NAGK: variants seen among roughly 807,000 people sequenced by gnomAD.
The protein encoded by NAGK is N-acetylglucosamine kinase, also known as N-acetyl-D-glucosamine kinase.
NAGK carries 35 observed loss-of-function variants against 42.9 expected under a neutral mutation model. That is an observed-to-expected ratio of 0.82 (90% CI 0.62 to 1.08). The LOEUF (loss-of-function observed/expected upper bound fraction) is 1.08. Ranked by LOEUF, NAGK falls within the 50% of genes least tolerant of loss-of-function variation. The probability of loss-of-function intolerance (pLI) is 0.00; values close to 1 mark genes in which losing one functional copy is unlikely to be tolerated. For synonymous variants in NAGK, 172 were observed against 176.0 expected, an observed-to-expected ratio of 0.98 and a Z score of 0.18; for missense variants, 446 against 446.0, an observed-to-expected ratio of 1.00 and a Z score of 0.00.
At chr2:71,076,552 G>A in intron 7 of NAGK, 52 bp from the exon 8 acceptor site, 1 of 1,429,380 alleles carries the variant, frequency 7.0e-7, no homozygotes, top group Admixed American at 1.8e-5. Context: ...GCCCAGGAAT[G>A]GCAGCTCCCT....
chr2:71,073,406 G>C lies in NAGK; in HGVS notation c.467-76G>C, dbSNP rs77337878. 6,637 of 954,988 alleles carry C rather than the reference G, an allele frequency of 6.9e-3. 299 individuals are homozygous for C. In the Admixed American group the frequency reaches 0.097, roughly 14 times the overall value. 59.2% of individuals were successfully genotyped at this position (954,988 alleles called of 1,614,324 possible). Reference sequence around the variant, plus strand: ...TAAAATTCAAGCAGATCACTAACCTGTCTGGATCTGAGTTTCCCTCCTCGT... The same window carrying C: ...TAAAATTCAAGCAGATCACTAACCTCTCTGGATCTGAGTTTCCCTCCTCGT... On this transcript the variant is annotated intron_variant, in intron 5 of 9. Coordinates refer to ENST00000244204, the MANE Select transcript of NAGK (RefSeq NM_017567.6).
At position 71,078,707 on chromosome 2, in the gene NAGK, G is replaced by A; in HGVS notation, c.*199G>A. Reference sequence around the variant, plus strand: ...AGTGCACCTGCCAGCAGATATCCTGGAGGGCTCATGAGTGAATTTAGTCCA... The same window carrying A: ...AGTGCACCTGCCAGCAGATATCCTGAAGGGCTCATGAGTGAATTTAGTCCA... On this transcript the variant is annotated 3_prime_UTR_variant, in exon 10 of 10. Transcript: ENST00000244204. 1.6e-6 allele frequency: 1 copy of A among 632,612 alleles called. No individual in the cohort carries two copies. The highest frequency in any genetic ancestry group is 2.6e-6 in the Non-Finnish European group (1 of 390,518). 39.2% of individuals were successfully genotyped at this position (632,612 alleles called of 1,614,324 possible). A position where few individuals can be genotyped will look rare whatever the true frequency, so the allele number is the denominator to read the frequency against.
intron 5 of NAGK, chr2:71,073,147 A>G (rs1009442937): frequency 4.3e-6 from 2 of 466,938 alleles, no homozygotes; most frequent in Admixed American, 6.7e-5. Flanking sequence ...GTTTATTTTC[A>G]TAGGGGCCCT....
intron 3 of NAGK, 26 bp downstream of exon 3, chr2:71,070,865 T>G (rs1314144657): frequency 6.2e-7 from 1 of 1,611,888 alleles, no homozygotes; most frequent in East Asian, 2.2e-5. Flanking sequence ...AGCCTGGGAA[T>G]TCAGCCATCT....
At chr2:71,071,314 C>T (rs1671993626) in intron 3 of NAGK, 1 of 299,596 alleles carries the variant, frequency 3.3e-6, no homozygotes, top group Non-Finnish European at 6.3e-6. Context: ...CCAGCTACTC[C>T]CTGGACATAT....
chr2:71,068,891 G>A (rs1036515041), intron 1 of NAGK, 179 bp downstream of exon 1: 4 of 1,337,872 alleles, frequency 3.0e-6, no homozygotes, highest in Non-Finnish European at 3.8e-6. Flanking sequence ...TATGCCTTAC[G>A]GGGACTCTGC....
chr2:71,078,367 C>T lies in NAGK; in HGVS notation c.894C>T (p.Phe298=), dbSNP rs1296547020. 1 of 1,614,004 alleles carries T rather than the reference C, an allele frequency of 6.2e-7. No individual in the cohort carries two copies. Among genetic ancestry groups the T allele is most frequent in the Non-Finnish European group, 8.5e-7 (1 of 1,179,994 alleles). The part of the protein sequence containing the change: ...TQGREIQAQN[F]FSSFTLMKLR... Reference sequence around the variant, plus strand: ...GCAGAGAGATCCAGGCTCAGAACTTCTTCTCCAGCTTCACCCTGATGAAGC... The same window carrying T: ...GCAGAGAGATCCAGGCTCAGAACTTTTTCTCCAGCTTCACCCTGATGAAGC... Residue 298 remains phenylalanine, a synonymous_variant, in exon 10 of 10, where the codon TTC becomes TTT. Transcript: ENST00000244204.
In NAGK at chr2:71,073,486, C is replaced by T; in HGVS notation, c.471C>T (p.Tyr157=). The part of the protein sequence containing the change: ...GHMMGDEGSA[Y]WIAHQAVKIV... Reference sequence around the variant, plus strand: ...AGCCCTCTCTGCTCCCTGCAGCCTACTGGATCGCACACCAAGCAGTGAAAA... The same window carrying T: ...AGCCCTCTCTGCTCCCTGCAGCCTATTGGATCGCACACCAAGCAGTGAAAA... The change falls in exon 6 of 10, where the codon TAC becomes TAT. Residue 157 remains tyrosine, a synonymous_variant. Transcript: ENST00000244204. The T allele has an allele frequency of 6.2e-7, 1 of 1,613,254 alleles. No homozygotes were observed. Among genetic ancestry groups the T allele is most frequent in the Non-Finnish European group, 8.5e-7 (1 of 1,179,188 alleles).
rs754190135 is a variant in NAGK, at chr2:71,078,546, G to A, written c.*38G>A. ...GGCTCCACCCCCTCCAAGCTCAGTG[G>A]ACACTGGGTCTGAAAGGAAGGAGTC... is the stretch of plus-strand genomic sequence containing the variant. On this transcript the variant is annotated 3_prime_UTR_variant, in exon 10 of 10. Coordinates refer to ENST00000244204, the MANE Select transcript of NAGK (RefSeq NM_017567.6). 8 of 1,467,718 alleles carry A rather than the reference G, an allele frequency of 5.5e-6. No homozygotes were observed. Among genetic ancestry groups the A allele is most frequent in the Non-Finnish European group, 7.2e-6 (8 of 1,105,044 alleles). The allele number at this position is 1,467,718 out of a possible 1,614,324, so 90.9% of individuals were successfully genotyped here. A position where few individuals can be genotyped will look rare whatever the true frequency, so the allele number is the denominator to read the frequency against.
Position 71,079,142 on chromosome 2 carries a change from TC to T in NAGK, c.*636del, listed in dbSNP as rs1223064952. 1 of 152,344 alleles carries T rather than the reference TC, an allele frequency of 6.6e-6. No homozygotes were observed. Among genetic ancestry groups the T allele is most frequent in the Non-Finnish European group, 1.5e-5 (1 of 68,152 alleles). 9.4% of individuals were successfully genotyped at this position (152,344 alleles called of 1,614,324 possible). A position where few individuals can be genotyped will look rare whatever the true frequency, so the allele number is the denominator to read the frequency against. On this transcript the variant is annotated 3_prime_UTR_variant, in exon 10 of 10. Coordinates refer to ENST00000244204, the MANE Select transcript of NAGK (RefSeq NM_017567.6). ...TGAAAGGTTATGAGGATGGCTGAGATCCAAGAAGACCAACTAGGTACCGCTC... is the reference window on the plus strand; with the variant it reads ...TGAAAGGTTATGAGGATGGCTGAGATCAAGAAGACCAACTAGGTACCGCTC...
upstream of NAGK, chr2:71,068,625 G>A: frequency 6.6e-7 from 1 of 1,521,908 alleles, no homozygotes; most frequent in Non-Finnish European, 8.8e-7. Context: ...CTGGAGGGAA[G>A]GAGGTGTCAG....
chr2:71,070,043 C>G (rs1671940279), intron 1 of NAGK: 1 of 167,266 alleles, frequency 6.0e-6, no homozygotes, highest in Non-Finnish European at 1.3e-5. Context: ...ATTGCCTGTG[C>G]CAGCTCCTGT....
rs1356004079 is a variant in NAGK at position 71,078,945 on chromosome 2, C to G, written c.*437C>G. 6.2e-6 allele frequency: 1 copy of G among 161,288 alleles called. No individual in the cohort carries two copies. Among genetic ancestry groups the G allele is most frequent in the African/African-American group, 2.4e-5 (1 of 41,572 alleles). The allele number at this position is 161,288 out of a possible 1,614,324, so 10.0% of individuals were successfully genotyped here. On this transcript the variant is annotated 3_prime_UTR_variant, in exon 10 of 10. Transcript: ENST00000244204. ...CACAGTCAGCAGAAACAAGTGCTCA[C>G]CATTCAGAACATCACAGGGAGTAAC...
At position 71,078,667 on chromosome 2, in the gene NAGK, G is replaced by C. The variant is rs769518412; in HGVS notation, c.*159G>C. 1 of 869,666 alleles carries C rather than the reference G, an allele frequency of 1.1e-6. No individual in the cohort carries two copies. Among genetic ancestry groups the C allele is most frequent in the Non-Finnish European group, 1.7e-6 (1 of 587,208 alleles). 53.9% of individuals were successfully genotyped at this position (869,666 alleles called of 1,614,324 possible). ...TTGGACTGCATTATCAAACACATGT[G>C]CTATGTACATCCTCAGTGCACCTGC... is the stretch of plus-strand genomic sequence containing the variant. On this transcript the variant is annotated 3_prime_UTR_variant, in exon 10 of 10. Coordinates refer to ENST00000244204, the MANE Select transcript of NAGK (RefSeq NM_017567.6).
chr2:71,073,832 A>G (rs1220134682), intron 6 of NAGK, among the ~76,000 whole-genome samples: 1 of 152,178 alleles, frequency 6.6e-6, no homozygotes, highest in Non-Finnish European at 1.5e-5. Flanking sequence ...GTTTGGGGAC[A>G]GGTGATTAGC....
At position 71,072,823 on chromosome 2, in the gene NAGK, T is replaced by G. The variant is rs768504979; in HGVS notation, c.466+72T>G. 7 of 1,402,202 alleles carry G rather than the reference T, an allele frequency of 5.0e-6. No homozygotes were observed. The African/African-American group carries it at 1.0e-4, about 20-fold the overall frequency. The allele number at this position is 1,402,202 out of a possible 1,614,324, so 86.9% of individuals were successfully genotyped here. A position where few individuals can be genotyped will look rare whatever the true frequency, so the allele number is the denominator to read the frequency against. On this transcript the variant is annotated intron_variant, in intron 5 of 9. Transcript: ENST00000244204. ...CCTTCACTCCCTGTCTTTCTCTCCT[T>G]AGCCTTGGCTCACTGAGCCCTTGGG...
intron 1 of NAGK, 162 bp from the exon 2 acceptor site, chr2:71,070,340 G>A: frequency 1.7e-6 from 1 of 578,808 alleles, no homozygotes; most frequent in East Asian, 3.1e-5. Context: ...CAGTTAAAGA[G>A]CACTCAAACA....
chr2:71,071,536 C>G (rs976281928), intron 3 of NAGK, 150 bp from the exon 4 acceptor site: 2 of 1,088,896 alleles, frequency 1.8e-6, no homozygotes, highest in African/African-American at 3.2e-5. Flanking sequence ...TCTGAGGGGT[C>G]ATTGTGTGGG....
At position 71,078,304 on chromosome 2, in the gene NAGK, G is replaced by T. The variant is rs1672288732; in HGVS notation, c.845-14G>T. 6.2e-7 allele frequency: 1 copy of T among 1,613,066 alleles called. No individual in the cohort carries two copies. Among genetic ancestry groups the T allele is most frequent in the Middle Eastern group, 1.7e-4 (1 of 6,058 alleles). ...GTTCTCCTCTTATCTCTGTCCTTGT[G>T]TTCTTCCCTCCAGGTTTTCTTCTGG... On this transcript the variant is annotated splice_polypyrimidine_tract_variant and intron_variant, in intron 9 of 9. Coordinates refer to ENST00000244204, the MANE Select transcript of NAGK (RefSeq NM_017567.6).
Sources: allele counts gnomAD v4.1 joint callset (sites outside exome capture counted in the v4.1 genomes callset), GRCh38; gene constraint gnomAD v4.1.1; transcripts MANE v1.5; gene names NCBI Gene and HGNC (gene_info 2026-07-23, HGNC 2026-07-21).